ANGPTL1: variants seen among roughly 807,000 people sequenced by gnomAD.
ANGPTL1 encodes the protein angiopoietin-related protein 1.
ANGPTL1 carries 36 observed loss-of-function variants against 46.7 expected under a neutral mutation model. That is an observed-to-expected ratio of 0.77 (90% confidence interval 0.59 to 1.02). The LOEUF (loss-of-function observed/expected upper bound fraction) is 1.02. Among genes scored for constraint, ANGPTL1 ranks in the 50% least tolerant of loss-of-function variants. The pLI is 0.00. For missense variants in ANGPTL1, 571 were observed against 594.7 expected (o/e 0.96, Z 0.41); for synonymous variants, 221 against 204.3 (o/e 1.08, Z -0.69).
chr1:178,853,892 C>T (rs1371422394), intron 3 of ANGPTL1, 105 bp from the exon 4 acceptor site: 1 of 753,236 alleles, frequency 1.3e-6, no homozygotes, highest in Non-Finnish European at 2.0e-6. Flanking sequence ...TTACAGTTAC[C>T]ATTGTTTATC....
intron 3 of ANGPTL1, among the ~76,000 whole-genome samples, chr1:178,864,701 C>T (rs960622110): frequency 6.6e-6 from 1 of 151,748 alleles, no homozygotes; most frequent in Non-Finnish European, 1.5e-5. Context: ...AGTAGCCCCT[C>T]GATCATAAGA....
At chr1:178,856,202 G>GAGATATATATATATATAT (rs1428022812) in intron 3 of ANGPTL1, among the ~76,000 whole-genome samples, 4 of 83,908 alleles carry the variant, frequency 4.8e-5, no homozygotes, top group African/African-American at 1.9e-4. Flanking sequence ...GAGAGAGAGA[G>GAGATATATATATATATAT]ATATATATAT....
rs779566235 is a variant in ANGPTL1 at position 178,865,669 on chromosome 1, G to T, written c.108C>A (p.Tyr36Ter). ...FKIKKINQRRYPRATDGKEEA... is the reference protein window; with the variant it reads ...FKIKKINQRR ...CCTCTTTACCATCTGTGGCACGAGG[G>T]TATCTTCTCTGGTTTATTTTTTTAA... is the stretch of plus-strand genomic sequence containing the variant. The change falls in exon 3 of 6, where the codon TAC becomes TAA. Residue 36 changes from tyrosine (Y) to a stop codon, truncating the protein, a stop_gained. Transcript: ENST00000234816. LOFTEE classifies it high-confidence loss of function. The T allele has an allele frequency of 1.9e-6, 3 of 1,613,826 alleles. No homozygotes were observed. Among genetic ancestry groups the T allele is most frequent in the Non-Finnish European group, 2.5e-6 (3 of 1,179,940 alleles).
intron 3 of ANGPTL1, among the ~76,000 whole-genome samples, chr1:178,855,866 A>G (rs1257298285): frequency 6.6e-6 from 1 of 151,024 alleles, no homozygotes; most frequent in Non-Finnish European, 1.5e-5. Context: ...AAGGCTTTTT[A>G]TCTGCCTATT....
In ANGPTL1 at chr1:178,853,653, C is replaced by A; in HGVS notation, c.958G>T (p.Val320Phe). ...GAGCCGTCTGTTCTTTTCTGAATAA[C>A]AGTCCAACCCCCAGGGTCCAAACTG... ...ENSLDPGGWTVIQKRTDGSVN... is the reference protein window; with the variant it reads ...ENSLDPGGWTFIQKRTDGSVN... Residue 320 changes from valine to phenylalanine, a missense_variant, in exon 4 of 6, where the codon GTT becomes TTT. Transcript: ENST00000234816. 1 of 1,611,610 alleles carries A rather than the reference C, an allele frequency of 6.2e-7. No individual in the cohort carries two copies. Among genetic ancestry groups the A allele is most frequent in the Non-Finnish European group, 8.5e-7 (1 of 1,179,004 alleles).
chr1:178,854,334 C>T (rs573196483), intron 3 of ANGPTL1, among the ~76,000 whole-genome samples: 4 of 152,110 alleles, frequency 2.6e-5, no homozygotes, highest in Non-Finnish European at 5.9e-5. Flanking sequence ...GTGGAACATA[C>T]TAGTACCTTG....
chr1:178,853,726 C>T lies in ANGPTL1; in HGVS notation c.885G>A (p.Met295Ile), dbSNP rs1483176764. The change falls in exon 4 of 6, where the codon ATG becomes ATA. Residue 295 changes from methionine to isoleucine, a missense_variant. Met to Ile is a conservative substitution (Grantham distance 10). Coordinates refer to ENST00000234816, the MANE Select transcript of ANGPTL1 (RefSeq NM_004673.4). The part of the protein sequence containing the change: ...EAGHSVSGIY[M>I]IKPENSNGPM... The stretch of plus-strand genomic sequence containing the variant: ...GTCCATTGCTGTTTTCAGGTTTAAT[C>T]ATATAAATCCCACTGACCGAATGCC... The T allele has an allele frequency of 6.2e-7, 1 of 1,609,648 alleles. No homozygotes were observed. The highest frequency in any genetic ancestry group is 8.5e-7 in the Non-Finnish European group (1 of 1,177,946).
chr1:178,856,407 T>TG, intron 3 of ANGPTL1, among the ~76,000 whole-genome samples: 1 of 105,352 alleles, frequency 9.5e-6, no homozygotes, highest in African/African-American at 4.2e-5. Flanking sequence ...TTTTTTTTTT[T>TG]TTTTTTTTTT....
intron 3 of ANGPTL1, among the ~76,000 whole-genome samples, chr1:178,855,687 T>C (rs1657488359): frequency 1.3e-5 from 2 of 151,878 alleles, no homozygotes; most frequent in Non-Finnish European, 2.9e-5. Flanking sequence ...TAAACATATT[T>C]TCCTTTAAGA....
chr1:178,859,941 T>C (rs546236101), intron 3 of ANGPTL1, among the ~76,000 whole-genome samples: 2 of 151,452 alleles, frequency 1.3e-5, no homozygotes, highest in Non-Finnish European at 2.9e-5. Flanking sequence ...ATGGTCTCGA[T>C]CTCCTGACCT....
chr1:178,856,135 C>G (rs1174483335), intron 3 of ANGPTL1, among the ~76,000 whole-genome samples: 1 of 144,172 alleles, frequency 6.9e-6, no homozygotes, highest in Non-Finnish European at 1.5e-5. Context: ...AATTTCTGTA[C>G]TATAAGGAGA....
In ANGPTL1 at chr1:178,862,955, A is replaced by G. The variant is rs78974385; in HGVS notation, c.823+1999T>C. 2.0e-5 allele frequency among the ~76,000 whole-genome samples: 3 copies of G among 152,330 alleles called. No homozygotes were observed. The East Asian group carries it at 5.8e-4, about 29-fold the overall frequency. On this transcript the variant is annotated intron_variant, in intron 3 of 5. Coordinates refer to ENST00000234816, the MANE Select transcript of ANGPTL1 (RefSeq NM_004673.4). ...CAGTTGGCAAGCTATTACACAGTTCATAGTAAGAACTAACATTTGAGTGCC... is the reference window on the plus strand; with the variant it reads ...CAGTTGGCAAGCTATTACACAGTTCGTAGTAAGAACTAACATTTGAGTGCC...
chr1:178,857,773 G>A (rs375315508), intron 3 of ANGPTL1, among the ~76,000 whole-genome samples: 11 of 152,218 alleles, frequency 7.2e-5, no homozygotes, highest in African/African-American at 2.2e-4. Flanking sequence ...ATATTCAAAG[G>A]TTGGACTTTT....
Position 178,856,202 on chromosome 1 carries a change from GATATATAT to G in ANGPTL1, c.824-2423_824-2416del, listed in dbSNP as rs55797277. On this transcript the variant is annotated intron_variant, in intron 3 of 5. Transcript: ENST00000234816. Reference sequence around the variant, plus strand: ...ACCTGTACTTTTCCAGAGAGAGAGAGATATATATATATATATATATATATATATATATG... The same window carrying G: ...ACCTGTACTTTTCCAGAGAGAGAGAGATATATATATATATATATATATATG... 3.5e-3 allele frequency among the ~76,000 whole-genome samples: 292 copies of G among 83,910 alleles called. 5 individuals carry two copies. The highest frequency in any genetic ancestry group is 0.01 in the African/African-American group (159 of 15,590). The allele number at this position is 83,910 out of a possible 152,430, so 55.0% of individuals were successfully genotyped here.
chr1:178,856,202 GATATATATATATATAT>G (rs55797277), intron 3 of ANGPTL1, among the ~76,000 whole-genome samples: 7 of 83,910 alleles, frequency 8.3e-5, no homozygotes, highest in Admixed American at 3.4e-4. Flanking sequence ...GAGAGAGAGA[GATATATATATATATAT>G]ATATATATAT....
At chr1:178,857,193 G>A (rs1013419585) in intron 3 of ANGPTL1, among the ~76,000 whole-genome samples, 1 of 152,140 alleles carries the variant, frequency 6.6e-6, no homozygotes, top group African/African-American at 2.4e-5. Context: ...GTGTAATGCA[G>A]GTAGTATATT....
Position 178,865,019 on chromosome 1 carries a change from G to A in ANGPTL1, c.758C>T (p.Pro253Leu), listed in dbSNP as rs1292187704. The change falls in exon 3 of 6, where the codon CCT becomes CTT. Residue 253 changes from proline to leucine, a missense_variant. By Grantham distance (98) the Pro-to-Leu change is moderately conservative. Transcript: ENST00000234816. ...PGYPRDLMPP[P>L]DLATSPTKSP... ...TTTGGTGGGAGAAGTTGCCAGATCAGGTGGTGGCATTAAATCTCTGGGATA... is the reference window on the plus strand; with the variant it reads ...TTTGGTGGGAGAAGTTGCCAGATCAAGTGGTGGCATTAAATCTCTGGGATA... The A allele has an allele frequency of 2.0e-6, 3 of 1,485,184 alleles. No homozygotes were observed. Among genetic ancestry groups the A allele is most frequent in the East Asian group, 4.7e-5 (2 of 42,832 alleles). The allele number at this position is 1,485,184 out of a possible 1,614,324, so 92.0% of individuals were successfully genotyped here.
chr1:178,852,831 A>G lies in ANGPTL1; in HGVS notation c.1140T>C (p.Tyr380=), dbSNP rs1179417539. ...ELEDWSDKKV[Y]AEYSSFRLEP... is the part of the protein sequence containing the mutation. Reference sequence around the variant, plus strand: ...CCAGACGAAAGCTGCTGTATTCTGCATAGACTTTTTTATCACTCCAGTCTT... The same window carrying G: ...CCAGACGAAAGCTGCTGTATTCTGCGTAGACTTTTTTATCACTCCAGTCTT... The change falls in exon 5 of 6, where the codon TAT becomes TAC. Residue 380 remains tyrosine (Y), a synonymous_variant. Coordinates refer to ENST00000234816, the MANE Select transcript of ANGPTL1 (RefSeq NM_004673.4). 7 of 1,613,820 alleles carry G rather than the reference A, an allele frequency of 4.3e-6. No individual in the cohort carries two copies. Among genetic ancestry groups the G allele is most frequent in the Middle Eastern group, 1.6e-4 (1 of 6,084 alleles).
chr1:178,865,756 G>A lies in ANGPTL1; in HGVS notation c.21C>T (p.Thr7=). Residue 7 remains threonine (T), a synonymous_variant, in exon 3 of 6, where the codon ACC becomes ACT. Transcript: ENST00000234816. MKTFTW[T]LGVLFFLLVD... ...CTAGTAGGAAGAATAGCACACCTAG[G>A]GTCCAGGTAAAAGTCTTCATTTTGA... is the stretch of plus-strand genomic sequence containing the variant. The A allele has an allele frequency of 6.2e-7, 1 of 1,602,352 alleles. No individual in the cohort carries two copies. The highest frequency in any genetic ancestry group is 8.5e-7 in the Non-Finnish European group (1 of 1,175,918).
Sources: allele counts gnomAD v4.1 joint callset (sites outside exome capture counted in the v4.1 genomes callset), GRCh38; gene constraint gnomAD v4.1.1; transcripts MANE v1.5; gene names NCBI Gene and HGNC (gene_info 2026-07-23, HGNC 2026-07-21).